Variants in CWF19L1 observed in about 807,000 individuals in gnomAD.
CWF19L1 encodes CWF19 like cell cycle control factor 1.
Under a neutral mutation model 69.7 loss-of-function variants are expected in CWF19L1, and 60 were observed. The ratio of observed to expected loss-of-function variants is 0.86; its 90% CI spans 0.70 to 1.07. The LOEUF (loss-of-function observed/expected upper bound fraction) is 1.07. Among genes scored for constraint, CWF19L1 ranks in the 50% least tolerant of loss-of-function variants. The pLI, the probability that CWF19L1 is intolerant of heterozygous loss-of-function variation, is 0.00. For missense variants in CWF19L1, 591 were observed against 638.9 expected (o/e 0.92, Z 0.81); for synonymous variants, 209 against 222.2 (o/e 0.94, Z 0.53).
rs773410312 is a variant in CWF19L1 at position 100,256,452 on chromosome 10, C to T, written c.314G>A (p.Ser105Asn). The change falls in exon 5 of 14, where the codon AGC (serine) becomes AAC (asparagine). Residue 105 changes from serine to asparagine, a missense_variant. Physicochemically the swap from Ser to Asn is conservative, Grantham distance 46. Around this residue, in one of 3 missense-constraint regions of CWF19L1, gnomAD observed 129 missense variants for 131.3 expected, o/e 0.98. Coordinates refer to ENST00000354105, the MANE Select transcript of CWF19L1 (RefSeq NM_018294.6). ...GAGGTACACAATCTGCAGCCCCGAG[C>T]TTCCAGTGAAGATACCTTTACGACC... ...YLGRKGIFTG[S>N]SGLQIVYLSG... is the part of the protein sequence containing the mutation. The T allele has an allele frequency of 6.2e-7, 1 of 1,614,202 alleles. No individual in the cohort carries two copies. Among genetic ancestry groups the T allele is most frequent in the East Asian group, 2.2e-5 (1 of 44,882 alleles).
chr10:100,239,721 T>C (rs1409682063), intron 10 of CWF19L1, among the ~76,000 whole-genome samples: 3 of 152,166 alleles, frequency 2.0e-5, no homozygotes, highest in African/African-American at 7.2e-5. Flanking sequence ...TCACTTCTCA[T>C]CTATAATAAG....
chr10:100,267,436 T>C, intron 1 of CWF19L1, 135 bp downstream of exon 1: 7 of 1,574,120 alleles, frequency 4.4e-6, no homozygotes. Flanking sequence ...AGACATCACC[T>C]AAGCTCCCCA....
intron 11 of CWF19L1, among the ~76,000 whole-genome samples, chr10:100,237,722 C>T (rs2134276464): frequency 6.6e-6 from 1 of 152,230 alleles, no homozygotes; most frequent in African/African-American, 2.4e-5. Flanking sequence ...TCTCGGCTCA[C>T]TGCAACCTCT....
At chr10:100,253,337 T>C (rs1275155734) in intron 6 of CWF19L1, 84 bp downstream of exon 6, 21 of 794,824 alleles carry the variant, frequency 2.6e-5, no homozygotes, top group Middle Eastern at 4.6e-4. Context: ...AGATGTTATA[T>C]GGTTAAAAAC....
intron 4 of CWF19L1, among the ~76,000 whole-genome samples, chr10:100,259,194 C>T (rs1395791600): frequency 7.8e-6 from 1 of 127,842 alleles, no homozygotes; most frequent in Non-Finnish European, 1.7e-5. Context: ...GAGCAAGACA[C>T]TGTCTTAAAA....
chr10:100,264,320 C>T lies in CWF19L1; in HGVS notation c.24-2257G>A, dbSNP rs1309186949. Among the ~76,000 whole-genome samples, 22 of 151,832 alleles carry T rather than the reference C, an allele frequency of 1.4e-4. No individual in the cohort carries two copies. The South Asian group carries it at 1.5e-3, about 10-fold the overall frequency. ...CAGCACTTTGGGAGGCCAAGGCGAG[C>T]GGATCACAAGGTCAGGAGCTCGAGA... is the stretch of plus-strand genomic sequence containing the variant. On this transcript the variant is annotated intron_variant, in intron 1 of 13. Coordinates refer to ENST00000354105, the MANE Select transcript of CWF19L1 (RefSeq NM_018294.6).
rs764423386 is a variant in CWF19L1 at position 100,245,802 on chromosome 10, G to T, written c.961C>A (p.Pro321Thr). 1.2e-6 allele frequency: 2 copies of T among 1,612,306 alleles called. No individual in the cohort carries two copies. Among genetic ancestry groups the T allele is most frequent in the Non-Finnish European group, 1.7e-6 (2 of 1,178,376 alleles). ...SSPHPKQPRK[P>T]PQPPGPCWFC... ...CCTCTGGAATAAAGGTACTTACGAG[G>T]TTTGCGAGGCTGCTTTGGATGAGGA... Residue 321 changes from proline (P) to threonine (T), a missense_variant, in exon 9 of 14, where the codon CCT becomes ACT. Physicochemically the swap from Pro to Thr is conservative, Grantham distance 38. This residue lies in a region of CWF19L1 where 458 missense variants were observed against 489.3 expected (regional missense o/e 0.94). Coordinates refer to ENST00000354105, the MANE Select transcript of CWF19L1 (RefSeq NM_018294.6).
At chr10:100,237,203 CT>C (rs759362623) in intron 11 of CWF19L1, 1 of 707,930 alleles carries the variant, frequency 1.4e-6, no homozygotes, top group South Asian at 1.4e-5. Context: ...AGAGAGATAT[CT>C]CCGTCACAAG....
At chr10:100,236,828 A>G (rs1314385756) in intron 12 of CWF19L1, 22 bp downstream of exon 12, 2 of 1,568,058 alleles carry the variant, frequency 1.3e-6, no homozygotes, top group African/African-American at 2.7e-5. Context: ...TCTTCCCTGA[A>G]TATCACCATC....
rs17112805 is a variant in CWF19L1 at position 100,256,391 on chromosome 10, A to C, written c.375T>G (p.Gly125=). 1 of 1,614,036 alleles carries C rather than the reference A, an allele frequency of 6.2e-7. No homozygotes were observed. Among genetic ancestry groups the C allele is most frequent in the East Asian group, 2.2e-5 (1 of 44,878 alleles). The change falls in exon 5 of 14, where the codon GGT becomes GGG. Residue 125 remains glycine, a synonymous_variant. Transcript: ENST00000354105. ...GTESLNEPVP[G]YSFSPKDVSS... is the part of the protein sequence containing the mutation. Reference sequence around the variant, plus strand: ...ACACATCCTTGGGACTAAAACTATAACCTGGTACTGGCTCATTTAAGGATT... The same window carrying C: ...ACACATCCTTGGGACTAAAACTATACCCTGGTACTGGCTCATTTAAGGATT...
chr10:100,265,520 TTTTTC>T (rs1847548187), intron 1 of CWF19L1, among the ~76,000 whole-genome samples: 1 of 134,704 alleles, frequency 7.4e-6, no homozygotes, highest in African/African-American at 3.0e-5. Context: ...TCTTTTTTTC[TTTTTC>T]TTTTTTTTTT....
chr10:100,254,119 T>C, intron 5 of CWF19L1: 1 of 152,338 alleles, frequency 6.6e-6, no homozygotes, highest in Non-Finnish European at 1.5e-5. Context: ...GATCTCGTGA[T>C]CCGCCCGCCT....
intron 5 of CWF19L1, 165 bp from the exon 6 acceptor site, chr10:100,253,704 C>G: frequency 1.9e-6 from 1 of 536,742 alleles, no homozygotes; most frequent in Non-Finnish European, 3.3e-6. Flanking sequence ...GAGAAAAAAT[C>G]TTAACAAATA....
At chr10:100,248,373 A>T in intron 7 of CWF19L1, 1 of 826,900 alleles carries the variant, frequency 1.2e-6, no homozygotes, top group Non-Finnish European at 2.1e-6. Context: ...AAGAGCTGTC[A>T]TCTTTGACCG....
chr10:100,258,068 T>C (rs910567929), intron 4 of CWF19L1, among the ~76,000 whole-genome samples: 4 of 151,936 alleles, frequency 2.6e-5, no homozygotes, highest in African/African-American at 9.7e-5. Context: ...TGAAACCCTG[T>C]CTCTACTAAA....
intron 7 of CWF19L1, chr10:100,249,009 C>T: frequency 1.6e-6 from 1 of 641,284 alleles, no homozygotes; most frequent in Non-Finnish European, 2.9e-6. Context: ...CATTCCAGCT[C>T]TTATACTCTG....
chr10:100,254,925 T>C (rs1382549815), intron 5 of CWF19L1, among the ~76,000 whole-genome samples: 1 of 152,186 alleles, frequency 6.6e-6, no homozygotes, highest in African/African-American at 2.4e-5. Flanking sequence ...AGCATCCTCC[T>C]TGATAATGCC....
At chr10:100,251,572 C>T (rs545566439) in intron 6 of CWF19L1, among the ~76,000 whole-genome samples, 30 of 132,012 alleles carry the variant, frequency 2.3e-4, no homozygotes, top group Admixed American at 2.8e-4. Context: ...AGTGCAGTGG[C>T]GCGATCTCTG....
At chr10:100,260,011 A>T (rs886311253) in intron 4 of CWF19L1, among the ~76,000 whole-genome samples, 5 of 151,836 alleles carry the variant, frequency 3.3e-5, no homozygotes, top group Non-Finnish European at 5.9e-5. Flanking sequence ...CTAAAAATAT[A>T]AAAAAAATTA....
Sources: allele counts gnomAD v4.1 joint callset (sites outside exome capture counted in the v4.1 genomes callset), GRCh38; gene constraint gnomAD v4.1.1; regional missense constraint gnomAD v4.1.1; transcripts MANE v1.5; gene names NCBI Gene and HGNC (gene_info 2026-07-23, HGNC 2026-07-21).